The following ATP8A2 variants were observed in gnomAD, a reference collection of about 807,000 sequenced individuals.
ATP8A2 encodes phospholipid-transporting ATPase IB.
A neutral mutation model predicts 165.6 loss-of-function variants in ATP8A2; 100 were observed. The ratio of observed to expected loss-of-function variants is 0.60; its 90% CI spans 0.51 to 0.71. The LOEUF is 0.71. Among genes scored for constraint, ATP8A2 ranks in the 30% least tolerant of loss-of-function variants. The probability of loss-of-function intolerance (pLI) is 0.00; values close to 1 mark genes in which losing one functional copy is unlikely to be tolerated. For missense variants in ATP8A2, 1,227 were observed against 1,479.5 expected (o/e 0.83, Z 2.80); for synonymous variants, 543 against 548.8 (o/e 0.99, Z 0.15).
At chr13:25,574,000 A>C (rs1225370933) in intron 18 of ATP8A2, among the ~76,000 whole-genome samples, 3 of 152,198 alleles carry the variant, frequency 2.0e-5, no homozygotes, top group Admixed American at 1.3e-4. Flanking sequence ...ATGCATAAGA[A>C]AGTCACACAC....
intron 24 of ATP8A2, among the ~76,000 whole-genome samples, chr13:25,652,057 G>C (rs1363854358): frequency 6.6e-6 from 1 of 152,082 alleles, no homozygotes; most frequent in Non-Finnish European, 1.5e-5. Context: ...CAAATCTATG[G>C]TTGAAAATTC....
intron 33 of ATP8A2, among the ~76,000 whole-genome samples, chr13:25,886,061 C>A (rs149677443): frequency 1.7e-4 from 26 of 152,272 alleles, no homozygotes; most frequent in Non-Finnish European, 3.2e-4. Context: ...TGCTGATGCT[C>A]CACTGTATTC....
chr13:25,881,062 T>A, intron 33 of ATP8A2: 1 of 303,406 alleles, frequency 3.3e-6, no homozygotes, highest in Non-Finnish European at 6.8e-6. Context: ...TGTATTCGTA[T>A]CCAGGAAGAA....
chr13:25,765,166 C>G (rs1026641114), intron 25 of ATP8A2, among the ~76,000 whole-genome samples: 2 of 152,172 alleles, frequency 1.3e-5, no homozygotes, highest in Non-Finnish European at 2.9e-5. Context: ...AAAAGAAAAA[C>G]TTATTTTTCA....
At position 25,839,518 on chromosome 13, in the gene ATP8A2, C is replaced by G. The variant is rs184241642; in HGVS notation, c.2878-28C>G. On this transcript the variant is annotated intron_variant, in intron 29 of 36. Transcript: ENST00000381655. ...AGAGGTCAAGCGTTTTGGGCAGCTC[C>G]TGACTCCCTTGGTTTGTTTTTCCTT... The G allele has an allele frequency of 1.5e-5, 24 of 1,591,022 alleles. No individual in the cohort carries two copies. The East Asian group carries it at 4.9e-4, about 33-fold the overall frequency.
chr13:25,769,263 G>T lies in ATP8A2; in HGVS notation c.2568+34G>T, dbSNP rs539345737. 6.3e-6 allele frequency: 10 copies of T among 1,578,222 alleles called. No homozygotes were observed. The South Asian group carries it at 1.1e-4, about 18-fold the overall frequency. On this transcript the variant is annotated intron_variant, in intron 26 of 36. Transcript: ENST00000381655. ...CTTGGGCGTCCAGCTGCCCTGTCCTGTTGAGAGATGATAGCTGGGCATGAG... is the reference window on the plus strand; with the variant it reads ...CTTGGGCGTCCAGCTGCCCTGTCCTTTTGAGAGATGATAGCTGGGCATGAG...
intron 1 of ATP8A2, 164 bp from the exon 2 acceptor site, chr13:25,468,813 G>C: frequency 2.0e-6 from 2 of 982,142 alleles, no homozygotes. Flanking sequence ...CCGCGGCACA[G>C]GCGGCGGCGT....
chr13:25,666,575 A>C (rs2137723701), intron 24 of ATP8A2, among the ~76,000 whole-genome samples: 1 of 152,260 alleles, frequency 6.6e-6, no homozygotes, highest in South Asian at 2.1e-4. Context: ...TTCCAAGCTA[A>C]GTTTTGCTAT....
At chr13:25,788,053 A>G (rs896004493) in intron 27 of ATP8A2, among the ~76,000 whole-genome samples, 2 of 152,176 alleles carry the variant, frequency 1.3e-5, no homozygotes, top group African/African-American at 2.4e-5. Flanking sequence ...AGCAGAGAGC[A>G]GCATGGTTAC....
At chr13:25,949,900 A>G (rs2139139660) in intron 33 of ATP8A2, among the ~76,000 whole-genome samples, 1 of 152,244 alleles carries the variant, frequency 6.6e-6, no homozygotes, top group Middle Eastern at 3.4e-3. Flanking sequence ...CCCAGAATCA[A>G]GCAATTCTCC....
At chr13:25,764,489 T>C (rs1837377719) in intron 25 of ATP8A2, among the ~76,000 whole-genome samples, 1 of 152,212 alleles carries the variant, frequency 6.6e-6, no homozygotes, top group Non-Finnish European at 1.5e-5. Context: ...AGAAAGAACC[T>C]GTGGTATTGT....
intron 25 of ATP8A2, among the ~76,000 whole-genome samples, chr13:25,711,732 T>C (rs1397900557): frequency 1.3e-5 from 2 of 152,198 alleles, no homozygotes; most frequent in African/African-American, 4.8e-5. Context: ...AAAGTTGGAC[T>C]GAATTTCCAG....
chr13:25,603,802 G>T (rs1296315841), intron 24 of ATP8A2, among the ~76,000 whole-genome samples: 2 of 152,194 alleles, frequency 1.3e-5, no homozygotes, highest in Non-Finnish European at 2.9e-5. Context: ...GAAGACCATA[G>T]GAGGAGCAGG....
At chr13:25,509,536 A>G (rs1313981250) in intron 2 of ATP8A2, among the ~76,000 whole-genome samples, 1 of 152,104 alleles carries the variant, frequency 6.6e-6, no homozygotes, top group Non-Finnish European at 1.5e-5. Flanking sequence ...TGTTTTCTGG[A>G]TAACGTGATG....
chr13:25,575,002 T>C, intron 19 of ATP8A2, 145 bp downstream of exon 19: 1 of 471,492 alleles, frequency 2.1e-6, no homozygotes, highest in Non-Finnish European at 3.7e-6. Context: ...ACTCTTTTCT[T>C]CTTGGAATTT....
chr13:25,543,878 T>TA (rs1485794262), intron 10 of ATP8A2, among the ~76,000 whole-genome samples: 2 of 152,230 alleles, frequency 1.3e-5, no homozygotes, highest in African/African-American at 4.8e-5. Context: ...TAATGTTTTT[T>TA]AAAAAACTGT....
At chr13:25,955,955 C>G (rs1210532268) in intron 33 of ATP8A2, among the ~76,000 whole-genome samples, 1 of 152,184 alleles carries the variant, frequency 6.6e-6, no homozygotes, top group Non-Finnish European at 1.5e-5. Flanking sequence ...TCCCTGGATG[C>G]AAGGCTGGTT....
intron 6 of ATP8A2, among the ~76,000 whole-genome samples, chr13:25,536,339 C>T (rs1467675663): frequency 6.6e-6 from 1 of 151,386 alleles, no homozygotes; most frequent in East Asian, 1.9e-4. Context: ...TGGTCTTAAA[C>T]TCCTGACCTC....
At chr13:25,776,036 A>G (rs941185994) in intron 27 of ATP8A2, among the ~76,000 whole-genome samples, 18 of 152,246 alleles carry the variant, frequency 1.2e-4, no homozygotes, top group African/African-American at 4.1e-4. Flanking sequence ...CAAGTTGTGC[A>G]GGTTGTTCAT....
Sources: gnomAD v4.1 joint callset for allele counts (sites outside exome capture counted in the v4.1 genomes callset) on GRCh38, gnomAD v4.1.1 for gene constraint, MANE v1.5 for transcripts, NCBI Gene and HGNC (gene_info 2026-07-23, HGNC 2026-07-21) for gene names.